The following TLCD4 variants were observed in gnomAD, a reference collection of about 807,000 sequenced individuals.
The protein encoded by TLCD4 is TLC domain-containing protein 4.
Under a neutral mutation model 24.2 loss-of-function variants are expected in TLCD4, and 7 were observed. The observed-to-expected ratio is 0.29, with a 90% CI of 0.16 to 0.54. TLCD4 has a LOEUF of 0.54. Among genes scored for constraint, TLCD4 ranks in the 20% least tolerant of loss-of-function variants. The pLI, the probability that TLCD4 is intolerant of heterozygous loss-of-function variation, is 0.95. For missense variants in TLCD4, 259 were observed against 313.9 expected (o/e 0.82, Z 1.32); for synonymous variants, 103 against 106.4 (o/e 0.97, Z 0.20).
chr1:95,190,003 A>C (rs1678968538), intron 6 of TLCD4, among the ~76,000 whole-genome samples: 1 of 152,068 alleles, frequency 6.6e-6, no homozygotes, highest in African/African-American at 2.4e-5. Context: ...CTCTTGTTCC[A>C]CACCCTTGCC....
At position 95,197,579 on chromosome 1, in the gene TLCD4, CAAT is replaced by C. The variant is rs964970937; in HGVS notation, c.*5714_*5716del. 4 of 151,958 alleles carry C rather than the reference CAAT, an allele frequency of 2.6e-5. No homozygotes were observed. The highest frequency in any genetic ancestry group is 5.9e-5 in the Non-Finnish European group (4 of 67,992). 9.4% of individuals were successfully genotyped at this position (151,958 alleles called of 1,614,324 possible). On this transcript the variant is annotated 3_prime_UTR_variant, in exon 7 of 7. Coordinates refer to ENST00000370203, the MANE Select transcript of TLCD4 (RefSeq NM_152487.3). The stretch of plus-strand genomic sequence containing the variant: ...AAGCTTTGTATTTTGTGGAAAAAAA[CAAT>C]AAAATCACAATTATTTAGTGCAAAA...
At position 95,194,442 on chromosome 1, in the gene TLCD4, T is replaced by C. The variant is rs564123561; in HGVS notation, c.*2574T>C. ...ACAGAACATATCATTTACTGCACGA[T>C]GAATTTTTCATTTATTAAATGAAAA... On this transcript the variant is annotated 3_prime_UTR_variant, in exon 7 of 7. Coordinates refer to ENST00000370203, the MANE Select transcript of TLCD4 (RefSeq NM_152487.3). The C allele has an allele frequency of 1.4e-5, 2 of 146,578 alleles. No individual in the cohort carries two copies. Among genetic ancestry groups the C allele is most frequent in the East Asian group, 2.2e-4 (1 of 4,632 alleles). The allele number at this position is 146,578 out of a possible 1,614,324, so 9.1% of individuals were successfully genotyped here. A position where few individuals can be genotyped will look rare whatever the true frequency, so the allele number is the denominator to read the frequency against.
At chr1:95,188,620 A>G (rs1239529549) in intron 6 of TLCD4, among the ~76,000 whole-genome samples, 2 of 152,128 alleles carry the variant, frequency 1.3e-5, no homozygotes, top group Non-Finnish European at 2.9e-5. Flanking sequence ...TTAGGTTATA[A>G]TCCAATACAA....
At chr1:95,100,346 A>G in the TLCD4 span, among the ~76,000 whole-genome samples, 2,765 of 152,236 alleles carry the variant, frequency 0.018, 82 homozygotes, top group African/African-American at 0.064. Context: ...AGGCTGAGGC[A>G]GGCAAATCAC....
intron 5 of TLCD4, among the ~76,000 whole-genome samples, chr1:95,166,451 G>A (rs1160121829): frequency 6.6e-6 from 1 of 152,164 alleles, no homozygotes; most frequent in Non-Finnish European, 1.5e-5. Flanking sequence ...CATCCTGGAT[G>A]CTTTTCTGCA....
At chr1:95,174,847 C>T (rs1030267094) in intron 6 of TLCD4, among the ~76,000 whole-genome samples, 6 of 152,166 alleles carry the variant, frequency 3.9e-5, no homozygotes, top group African/African-American at 7.2e-5. Flanking sequence ...GCCATCTCTG[C>T]TCACTGCAAC....
At chr1:95,122,816 T>G (rs1676607003) in intron 1 of TLCD4, among the ~76,000 whole-genome samples, 1 of 152,258 alleles carries the variant, frequency 6.6e-6, no homozygotes, top group South Asian at 2.1e-4. Flanking sequence ...TAATTTTAAT[T>G]AGTTTTCTCC....
chr1:95,169,900 T>A (rs1384121896), intron 5 of TLCD4, among the ~76,000 whole-genome samples: 1 of 152,196 alleles, frequency 6.6e-6, no homozygotes, highest in Non-Finnish European at 1.5e-5. Context: ...GCTATAGTAT[T>A]TTGATATTTT....
intron 1 of TLCD4, among the ~76,000 whole-genome samples, chr1:95,118,889 C>G (rs1324148459): frequency 6.6e-6 from 1 of 152,196 alleles, no homozygotes; most frequent in Admixed American, 6.5e-5. Flanking sequence ...TTATTTGCCA[C>G]GCCCCTCCTG....
Position 95,194,419 on chromosome 1 carries a change from A to G in TLCD4, c.*2551A>G, listed in dbSNP as rs1679129350. On this transcript the variant is annotated 3_prime_UTR_variant, in exon 7 of 7. Transcript: ENST00000370203. ...ACCTACCTAAAATACAAATGAAGAC[A>G]GAACATATCATTTACTGCACGATGA... The G allele has an allele frequency of 6.6e-6, 1 of 152,096 alleles. No individual in the cohort carries two copies. Among genetic ancestry groups the G allele is most frequent in the African/African-American group, 2.4e-5 (1 of 41,412 alleles). The allele number at this position is 152,096 out of a possible 1,614,324, so 9.4% of individuals were successfully genotyped here. A position where few individuals can be genotyped will look rare whatever the true frequency, so the allele number is the denominator to read the frequency against.
At chr1:95,109,372 TAGAG>T in the TLCD4 span, among the ~76,000 whole-genome samples, 6 of 144,166 alleles carry the variant, frequency 4.2e-5, no homozygotes, top group East Asian at 6.2e-4. Flanking sequence ...AATTAAAACT[TAGAG>T]AGCATTTACA....
intron 6 of TLCD4, among the ~76,000 whole-genome samples, chr1:95,179,955 C>T (rs1678575371): frequency 6.6e-6 from 1 of 152,220 alleles, no homozygotes; most frequent in South Asian, 2.1e-4. Context: ...ACAATAGCAA[C>T]ATATGTGTAT....
chr1:95,124,521 C>G (rs1676657689), intron 1 of TLCD4, among the ~76,000 whole-genome samples: 1 of 152,164 alleles, frequency 6.6e-6, no homozygotes, highest in Non-Finnish European at 1.5e-5. Context: ...GATGCCATCT[C>G]ATATCATGTT....
chr1:95,169,828 G>T lies in TLCD4; in HGVS notation c.400-3988G>T, dbSNP rs964004504. Among the ~76,000 whole-genome samples the T allele has an allele frequency of 1.6e-4, 25 of 152,148 alleles. 1 individual carries two copies. Among genetic ancestry groups the T allele is most frequent in the African/African-American group, 5.6e-4 (23 of 41,426 alleles). ...TGAGTAGCTGAGTCAGACTACAGGTGTGCACCATTGCGCCCAGCCTAAAAT... is the reference window on the plus strand; with the variant it reads ...TGAGTAGCTGAGTCAGACTACAGGTTTGCACCATTGCGCCCAGCCTAAAAT... On this transcript the variant is annotated intron_variant, in intron 5 of 6. Coordinates refer to ENST00000370203, the MANE Select transcript of TLCD4 (RefSeq NM_152487.3).
At chr1:95,187,707 A>T (rs1393392701) in intron 6 of TLCD4, among the ~76,000 whole-genome samples, 1 of 152,116 alleles carries the variant, frequency 6.6e-6, no homozygotes, top group Non-Finnish European at 1.5e-5. Flanking sequence ...TGCCCCTTCC[A>T]TACTGTACAC....
chr1:95,140,356 A>G (rs1450944072), intron 1 of TLCD4, among the ~76,000 whole-genome samples: 1 of 152,112 alleles, frequency 6.6e-6, no homozygotes. Flanking sequence ...AGGTGATAGG[A>G]ATTTTCAGCT....
intron 5 of TLCD4, among the ~76,000 whole-genome samples, chr1:95,162,417 C>T (rs1308264882): frequency 6.8e-6 from 1 of 148,044 alleles, no homozygotes; most frequent in Non-Finnish European, 1.5e-5. Context: ...GATGGGTTTC[C>T]TGAATACAGC....
intron 5 of TLCD4, among the ~76,000 whole-genome samples, chr1:95,165,523 T>C (rs1317268045): frequency 6.7e-6 from 1 of 150,002 alleles, no homozygotes; most frequent in Non-Finnish European, 1.5e-5. Context: ...TGGAGTGCAA[T>C]GGCGTGATCT....
rs1679203282 is a variant in TLCD4, at chr1:95,196,251, TA to T, written c.*4386del. On this transcript the variant is annotated 3_prime_UTR_variant, in exon 7 of 7. Coordinates refer to ENST00000370203, the MANE Select transcript of TLCD4 (RefSeq NM_152487.3). ...ATTTATTATAGGCTTGTAAATTATC[TA>T]AATGTTCTTTTTAGACCCCATGACA... 1 of 152,222 alleles carries T rather than the reference TA, an allele frequency of 6.6e-6. No individual in the cohort carries two copies. Among genetic ancestry groups the T allele is most frequent in the Admixed American group, 6.5e-5 (1 of 15,278 alleles). 9.4% of individuals were successfully genotyped at this position (152,222 alleles called of 1,614,324 possible).
Sources: gnomAD v4.1 joint callset for allele counts (sites outside exome capture counted in the v4.1 genomes callset) on GRCh38, gnomAD v4.1.1 for gene constraint, MANE v1.5 for transcripts, NCBI Gene and HGNC (gene_info 2026-07-23, HGNC 2026-07-21) for gene names.